SPPL3: variants seen among roughly 807,000 people sequenced by gnomAD.
SPPL3 encodes signal peptide peptidase like 3, also known as signal peptide peptidase-like 3.
A neutral mutation model predicts 42.4 loss-of-function variants in SPPL3; 5 were observed. The observed-to-expected ratio is 0.12, with a 90% confidence interval of 0.06 to 0.25. The LOEUF is 0.25. Ranked by LOEUF, SPPL3 falls within the 10% of genes least tolerant of loss-of-function variation. SPPL3 has a pLI of 1.00. For missense variants in SPPL3, 235 were observed against 489.0 expected (o/e 0.48, Z 4.90); for synonymous variants, 195 against 181.8 (o/e 1.07, Z -0.58).
intron 1 of SPPL3, among the ~76,000 whole-genome samples, chr12:120,868,466 CTT>C (rs921319924): frequency 2.7e-4 from 6 of 22,292 alleles, no homozygotes; most frequent in Admixed American, 2.0e-3. Flanking sequence ...TTTCTTTTTT[CTT>C]TTTTTTTGTT....
intron 1 of SPPL3, among the ~76,000 whole-genome samples, chr12:120,814,871 T>C (rs1592976242): frequency 6.6e-6 from 1 of 152,316 alleles, no homozygotes; most frequent in East Asian, 1.9e-4. Flanking sequence ...ACCCCCCTTT[T>C]ACAATATAGC....
chr12:120,788,837 G>C (rs962359526), intron 3 of SPPL3, among the ~76,000 whole-genome samples: 4 of 152,060 alleles, frequency 2.6e-5, no homozygotes, highest in African/African-American at 9.7e-5. Context: ...GTTCCACATT[G>C]TTAATCATCC....
intron 1 of SPPL3, among the ~76,000 whole-genome samples, chr12:120,859,498 C>T (rs890499955): frequency 6.6e-6 from 1 of 152,102 alleles, no homozygotes; most frequent in South Asian, 2.1e-4. Context: ...ATTACTTTGA[C>T]AAAAAAGTTT....
chr12:120,877,778 T>C (rs1444375934), intron 1 of SPPL3, among the ~76,000 whole-genome samples: 9 of 119,548 alleles, frequency 7.5e-5, no homozygotes, highest in Non-Finnish European at 1.1e-4. Flanking sequence ...TGAAACTCCG[T>C]CTTAAAAAAA....
chr12:120,776,268 A>C (rs1225948814), intron 6 of SPPL3, among the ~76,000 whole-genome samples: 2 of 152,182 alleles, frequency 1.3e-5, no homozygotes, highest in Non-Finnish European at 2.9e-5. Flanking sequence ...CATTCAGCAA[A>C]ACTTTTCAAC....
chr12:120,835,801 G>C (rs538475202), intron 1 of SPPL3: 1 of 152,214 alleles, frequency 6.6e-6, no homozygotes, highest in South Asian at 2.1e-4. Context: ...ATGAGAGAGA[G>C]GTGAACCATT....
At chr12:120,824,315 T>C (rs978084290) in intron 1 of SPPL3, among the ~76,000 whole-genome samples, 1 of 152,192 alleles carries the variant, frequency 6.6e-6, no homozygotes, top group African/African-American at 2.4e-5. Flanking sequence ...CACTAAAATT[T>C]TTTTTTAATG....
intron 1 of SPPL3, among the ~76,000 whole-genome samples, chr12:120,897,648 G>C (rs1262731065): frequency 6.6e-6 from 1 of 152,122 alleles, no homozygotes; most frequent in Admixed American, 6.6e-5. Context: ...GCGTGAACCC[G>C]GAAGGCGGAG....
Position 120,764,821 on chromosome 12 carries a change from C to G in SPPL3, c.*178G>C. On this transcript the variant is annotated 3_prime_UTR_variant, in exon 11 of 11. Coordinates refer to ENST00000353487, the MANE Select transcript of SPPL3 (RefSeq NM_139015.5). ...ATCCGCAGGAAGAGAAGGAACCAAACAGGGCTCCAGCACCTCTCTCCTGCA... is the reference window on the plus strand; with the variant it reads ...ATCCGCAGGAAGAGAAGGAACCAAAGAGGGCTCCAGCACCTCTCTCCTGCA... 1.6e-6 allele frequency: 1 copy of G among 640,842 alleles called. No individual in the cohort carries two copies. Among genetic ancestry groups the G allele is most frequent in the Non-Finnish European group, 2.5e-6 (1 of 393,888 alleles). The allele number at this position is 640,842 out of a possible 1,614,324, so 39.7% of individuals were successfully genotyped here.
intron 6 of SPPL3, among the ~76,000 whole-genome samples, chr12:120,781,578 T>G (rs1158660769): frequency 3.4e-5 from 4 of 118,766 alleles, no homozygotes; most frequent in African/African-American, 6.8e-5. Context: ...TTTTTTTTTT[T>G]TTTTTTTTTT....
Position 120,769,015 on chromosome 12 carries a change from G to A in SPPL3, c.547C>T (p.Leu183=). The change falls in exon 7 of 11, where the codon CTG becomes TTG. Residue 183 remains leucine, a synonymous_variant. Transcript: ENST00000353487. ...LCVAMIAFVR[L]PSLKVSCLLL... is the part of the protein sequence containing the mutation. Reference sequence around the variant, plus strand: ...AGGCAGGAGACCTTGAGGCTCGGCAGGCGGACAAAGGCGATCATGGCGACA... The same window carrying A: ...AGGCAGGAGACCTTGAGGCTCGGCAAGCGGACAAAGGCGATCATGGCGACA... The A allele has an allele frequency of 1.2e-6, 2 of 1,608,588 alleles. No homozygotes were observed. Among genetic ancestry groups the A allele is most frequent in the Non-Finnish European group, 1.7e-6 (2 of 1,178,218 alleles).
chr12:120,827,352 TAATATAATAA>T, intron 1 of SPPL3, among the ~76,000 whole-genome samples: 1 of 141,294 alleles, frequency 7.1e-6, no homozygotes, highest in African/African-American at 2.7e-5. Flanking sequence ...ATAATAATAA[TAATATAATAA>T]TATAATAATA....
chr12:120,886,808 A>G (rs566610903), intron 1 of SPPL3, among the ~76,000 whole-genome samples: 3 of 152,218 alleles, frequency 2.0e-5, no homozygotes, highest in Admixed American at 1.3e-4. Flanking sequence ...AATCTAGATC[A>G]TAAGTATTTA....
chr12:120,789,550 T>G (rs903826909), intron 3 of SPPL3, among the ~76,000 whole-genome samples: 1 of 150,950 alleles, frequency 6.6e-6, no homozygotes, highest in African/African-American at 2.4e-5. Context: ...GTTGGCTGGG[T>G]GCAGTGGCTC....
At chr12:120,845,454 C>A in intron 1 of SPPL3, 1 of 413,966 alleles carries the variant, frequency 2.4e-6, no homozygotes. Flanking sequence ...GCCGCCCACG[C>A]CCCACACAGT....
At chr12:120,793,417 C>T (rs1042844950) in intron 2 of SPPL3, among the ~76,000 whole-genome samples, 3 of 152,102 alleles carry the variant, frequency 2.0e-5, no homozygotes, top group Admixed American at 1.3e-4. Flanking sequence ...ATCACTTGAG[C>T]CCAGGAGGTC....
intron 7 of SPPL3, 136 bp downstream of exon 7, chr12:120,768,815 TAC>T: frequency 1.4e-6 from 1 of 723,448 alleles, no homozygotes; most frequent in South Asian, 1.8e-5. Context: ...ACACCCATGA[TAC>T]AGTTAAGGAC....
At chr12:120,847,659 G>A (rs1005749531) in intron 1 of SPPL3, among the ~76,000 whole-genome samples, 1 of 151,842 alleles carries the variant, frequency 6.6e-6, no homozygotes, top group African/African-American at 2.4e-5. Context: ...TGAAACTCCT[G>A]AGCTCAAGTG....
Position 120,764,694 on chromosome 12 carries a change from A to G in SPPL3, c.*305T>C. The stretch of plus-strand genomic sequence containing the variant: ...TCAGTTTTTAAACAGTCAAATCTCC[A>G]TCTCCCCCAGAAGGTAACAGTCTGG... On this transcript the variant is annotated 3_prime_UTR_variant, in exon 11 of 11. Coordinates refer to ENST00000353487, the MANE Select transcript of SPPL3 (RefSeq NM_139015.5). 2.5e-6 allele frequency: 1 copy of G among 399,004 alleles called. No individual in the cohort carries two copies. The highest frequency in any genetic ancestry group is 4.4e-6 in the Non-Finnish European group (1 of 226,676). 24.7% of individuals were successfully genotyped at this position (399,004 alleles called of 1,614,324 possible). A position where few individuals can be genotyped will look rare whatever the true frequency, so the allele number is the denominator to read the frequency against.
Sources: gnomAD v4.1 joint callset for allele counts (sites outside exome capture counted in the v4.1 genomes callset) on GRCh38, gnomAD v4.1.1 for gene constraint, MANE v1.5 for transcripts, NCBI Gene and HGNC (gene_info 2026-07-23, HGNC 2026-07-21) for gene names.